PPP1R14C: variants seen among roughly 807,000 people sequenced by gnomAD.
The protein encoded by PPP1R14C is protein phosphatase 1 regulatory inhibitor subunit 14C.
In PPP1R14C, 16 loss-of-function variants were observed where a neutral mutation model predicts 20.4. The ratio of observed to expected loss-of-function variants is 0.78; its 90% CI spans 0.53 to 1.19. The LOEUF is 1.19. PPP1R14C is among the 50% of genes most tolerant of loss of function. PPP1R14C has a pLI of 0.00. For synonymous variants in PPP1R14C, 91 were observed against 91.0 expected (o/e 1.00, Z 0.00); for missense variants, 211 against 220.1 (o/e 0.96, Z 0.26).
At chr6:150,196,348 G>A (rs934367608) in intron 1 of PPP1R14C, among the ~76,000 whole-genome samples, 2 of 152,108 alleles carry the variant, frequency 1.3e-5, no homozygotes, top group Non-Finnish European at 2.9e-5. Context: ...ATTATGGACC[G>A]CCCACTAGGT....
At chr6:150,173,191 T>G (rs764511306) in intron 1 of PPP1R14C, among the ~76,000 whole-genome samples, 1 of 152,150 alleles carries the variant, frequency 6.6e-6, no homozygotes, top group Non-Finnish European at 1.5e-5. Flanking sequence ...CAATCTTTAT[T>G]GAGATCTCCC....
chr6:150,189,364 C>T (rs865939590), intron 1 of PPP1R14C, among the ~76,000 whole-genome samples: 1 of 152,154 alleles, frequency 6.6e-6, no homozygotes, highest in Non-Finnish European at 1.5e-5. Flanking sequence ...TTTCTGTTGA[C>T]ACAGCGCCAC....
intron 1 of PPP1R14C, among the ~76,000 whole-genome samples, chr6:150,195,643 T>C (rs1334979622): frequency 6.6e-6 from 1 of 152,216 alleles, no homozygotes; most frequent in Admixed American, 6.5e-5. Flanking sequence ...CTCAGCCCCT[T>C]GTTTTGTTTT....
chr6:150,239,261 C>A (rs1430303007), intron 3 of PPP1R14C, among the ~76,000 whole-genome samples: 3 of 152,214 alleles, frequency 2.0e-5, no homozygotes, highest in African/African-American at 4.8e-5. Flanking sequence ...GGTGAAACAT[C>A]AGCTTGGAGG....
chr6:150,149,443 ATTTTTTTTTTTCTTTTTTT>A (rs374442373), intron 1 of PPP1R14C, among the ~76,000 whole-genome samples: 23,972 of 119,836 alleles, frequency 0.2, 2,359 homozygotes, highest in East Asian at 0.55. Context: ...CTCCCACCTA[ATTTTTTTTTTTCTTTTTTT>A]TTTTTTTTTT....
At chr6:150,152,055 G>T (rs1777253972) in intron 1 of PPP1R14C, among the ~76,000 whole-genome samples, 1 of 148,824 alleles carries the variant, frequency 6.7e-6, no homozygotes, top group Non-Finnish European at 1.5e-5. Context: ...GGGAGGCGGA[G>T]CTTGCAGTGA....
intron 3 of PPP1R14C, among the ~76,000 whole-genome samples, chr6:150,238,653 G>T (rs996274098): frequency 1.3e-5 from 2 of 152,228 alleles, no homozygotes; most frequent in African/African-American, 4.8e-5. Context: ...TTCCCAGCTG[G>T]CCTGGGAGCT....
chr6:150,248,641 C>A, intron 3 of PPP1R14C, 105 bp from the exon 4 acceptor site: 2 of 710,058 alleles, frequency 2.8e-6, no homozygotes, highest in East Asian at 5.1e-5. Context: ...CAACCAAATT[C>A]ATCAACTAAG....
chr6:150,154,111 AT>A (rs1378445146), intron 1 of PPP1R14C, among the ~76,000 whole-genome samples: 1 of 152,214 alleles, frequency 6.6e-6, no homozygotes, highest in African/African-American at 2.4e-5. Flanking sequence ...GTGGCTGCAT[AT>A]TTCTTTACTC....
chr6:150,201,778 AG>A lies in PPP1R14C; in HGVS notation c.307-12960del, dbSNP rs1161028619. On this transcript the variant is annotated intron_variant, in intron 1 of 3. Transcript: ENST00000361131. The surrounding 1 kb of genome is among the most constrained non-coding windows in gnomAD (Gnocchi z 4.2). ...TGCAAAAGATGATTTAGCTTTCACT[AG>A]GGGGGCAGTGGAGGTGGTACAAAGT... Among the ~76,000 whole-genome samples the A allele has an allele frequency of 6.6e-6, 1 of 152,082 alleles. No homozygotes were observed. The highest frequency in any genetic ancestry group is 2.1e-4 in the South Asian group (1 of 4,816).
intron 1 of PPP1R14C, among the ~76,000 whole-genome samples, chr6:150,165,506 C>T (rs1038895401): frequency 2.3e-4 from 35 of 152,228 alleles, no homozygotes; most frequent in African/African-American, 8.2e-4. Flanking sequence ...TCTATTTAAC[C>T]ATCCAGCCAG....
intron 1 of PPP1R14C, among the ~76,000 whole-genome samples, chr6:150,206,455 C>T (rs976193700): frequency 6.6e-6 from 1 of 152,106 alleles, no homozygotes; most frequent in Non-Finnish European, 1.5e-5. Context: ...GTTCTGAGAT[C>T]CTGATGTAGA....
intron 1 of PPP1R14C, among the ~76,000 whole-genome samples, chr6:150,214,310 G>A (rs117682975): frequency 2.3e-3 from 349 of 152,254 alleles, no homozygotes; most frequent in Middle Eastern, 6.8e-3. Context: ...GTCATCTCCC[G>A]GCTCTATCAT....
At chr6:150,174,607 G>A (rs1445546431) in intron 1 of PPP1R14C, among the ~76,000 whole-genome samples, 1 of 152,016 alleles carries the variant, frequency 6.6e-6, no homozygotes, top group Non-Finnish European at 1.5e-5. Context: ...GGAAGGCCTG[G>A]CAGATATTCA....
intron 1 of PPP1R14C, among the ~76,000 whole-genome samples, chr6:150,149,845 G>A (rs1010905106): frequency 6.6e-6 from 1 of 152,176 alleles, no homozygotes; most frequent in East Asian, 1.9e-4. Flanking sequence ...TTTAGGGTCA[G>A]GGGTGTTGGT....
chr6:150,226,760 A>T (rs1778235415), intron 3 of PPP1R14C, among the ~76,000 whole-genome samples: 1 of 152,142 alleles, frequency 6.6e-6, no homozygotes, highest in South Asian at 2.1e-4. Context: ...ATCAAATTAT[A>T]CAATGATATC....
intron 1 of PPP1R14C, among the ~76,000 whole-genome samples, chr6:150,182,231 T>C (rs1239494577): frequency 6.6e-6 from 1 of 152,218 alleles, no homozygotes; most frequent in East Asian, 1.9e-4. Flanking sequence ...GAATCTGGCC[T>C]CCCTATTTCC....
intron 3 of PPP1R14C, among the ~76,000 whole-genome samples, chr6:150,239,746 T>C (rs1778409237): frequency 6.6e-6 from 1 of 151,710 alleles, no homozygotes; most frequent in Admixed American, 6.6e-5. Flanking sequence ...CAGAAATCAG[T>C]GAAATAGAAA....
intron 3 of PPP1R14C, among the ~76,000 whole-genome samples, chr6:150,233,236 G>C (rs1039716294): frequency 6.6e-6 from 1 of 152,196 alleles, no homozygotes; most frequent in Admixed American, 6.5e-5. Context: ...GCAAAAAGGG[G>C]AGTGAGGAGG....
Sources: allele counts gnomAD v4.1 joint callset (sites outside exome capture counted in the v4.1 genomes callset), GRCh38; gene constraint gnomAD v4.1.1; non-coding constraint Gnocchi (gnomAD v3.1); transcripts MANE v1.5; gene names NCBI Gene and HGNC (gene_info 2026-07-23, HGNC 2026-07-21).